The following NEBL variants were observed in gnomAD, a reference collection of about 807,000 sequenced individuals.
The protein encoded by NEBL is nebulette, also known as LIM and SH3 protein 2.
Under a neutral mutation model 140.2 loss-of-function variants are expected in NEBL, and 122 were observed. The observed-to-expected ratio is 0.87, with a 90% confidence interval of 0.75 to 1.01. The LOEUF (loss-of-function observed/expected upper bound fraction) is 1.01. Among genes scored for constraint, NEBL ranks in the 50% least tolerant of loss-of-function variants. NEBL has a pLI of 0.00. For synonymous variants in NEBL, 436 were observed against 398.9 expected (o/e 1.09, Z -1.11); for missense variants, 1,365 against 1,231.3 (o/e 1.11, Z -1.62).
chr10:20,913,597 CA>C (rs2131471540), intron 4 of NEBL, among the ~76,000 whole-genome samples: 1 of 152,038 alleles, frequency 6.6e-6, no homozygotes, highest in Non-Finnish European at 1.5e-5. Flanking sequence ...GTACAAAAAC[CA>C]AGTGTACGAA....
rs1341648314 is a variant in NEBL at position 21,278,285 on chromosome 10, A to G, written n.182+14545T>C. On this transcript the variant is annotated intron_variant and non_coding_transcript_variant, in intron 1 of 8. Transcript: ENST00000675702. ...CAAGACGCCGTCTCTACAGAATAAA[A>G]ATAAAAACATGAGCTAGGTGTGGTG... 3.3e-5 allele frequency among the ~76,000 whole-genome samples: 5 copies of G among 152,184 alleles called. No homozygotes were observed. The South Asian group carries it at 6.2e-4, about 19-fold the overall frequency.
At chr10:20,980,598 T>C (rs1836999263) in intron 3 of NEBL, among the ~76,000 whole-genome samples, 1 of 152,114 alleles carries the variant, frequency 6.6e-6, no homozygotes, top group East Asian at 1.9e-4. Context: ...TTACACTTGG[T>C]AAAGTATCAG....
rs549749341 is a variant in NEBL at position 20,885,918 on chromosome 10, C to T, written c.369+2179G>A. Among the ~76,000 whole-genome samples the T allele has an allele frequency of 8.5e-5, 13 of 152,166 alleles. 1 individual carries two copies. The highest frequency in any genetic ancestry group is 1.9e-4 in the African/African-American group (8 of 41,508). ...TATTTTAAGCTGCATGTTGCATAACCGAGATTAGTTTACTGCCAAGTCAGG... is the reference window on the plus strand; with the variant it reads ...TATTTTAAGCTGCATGTTGCATAACTGAGATTAGTTTACTGCCAAGTCAGG... On this transcript the variant is annotated intron_variant, in intron 4 of 27. Transcript: ENST00000377122.
At chr10:21,203,575 G>A (rs1042641436) in intron 3 of NEBL, among the ~76,000 whole-genome samples, 2 of 152,042 alleles carry the variant, frequency 1.3e-5, no homozygotes, top group African/African-American at 4.8e-5. Context: ...AGACGAGTGG[G>A]GCCGAATGAT....
chr10:20,784,433 C>T lies in NEBL; in HGVS notation c.*1314G>A, dbSNP rs1835240031. The T allele has an allele frequency of 6.6e-6, 1 of 152,028 alleles. No individual in the cohort carries two copies. The highest frequency in any genetic ancestry group is 1.5e-5 in the Non-Finnish European group (1 of 68,002). The allele number at this position is 152,028 out of a possible 1,614,324, so 9.4% of individuals were successfully genotyped here. Reference sequence around the variant, plus strand: ...CTTTCTTAGAGAACAGGCTCTTGGGCCTGTACTAAAAAATCTCTGATGACA... The same window carrying T: ...CTTTCTTAGAGAACAGGCTCTTGGGTCTGTACTAAAAAATCTCTGATGACA... On this transcript the variant is annotated 3_prime_UTR_variant, in exon 28 of 28. Transcript: ENST00000377122.
chr10:21,028,248 A>AGAAGAAGAAGAAGAAGAAGAAGAAGAAG (rs1554819352), intron 2 of NEBL, among the ~76,000 whole-genome samples: 2 of 32,122 alleles, frequency 6.2e-5, no homozygotes, highest in East Asian at 3.5e-3. Flanking sequence ...AAAAAAAAAA[A>AGAAGAAGAAGAAGAAGAAGAAGAAGAAG]AAAAAAAAGA....
intron 7 of NEBL, 144 bp downstream of exon 7, chr10:20,868,520 C>T: frequency 2.8e-6 from 2 of 706,518 alleles, no homozygotes; most frequent in East Asian, 2.5e-5. Context: ...ATAATGATTG[C>T]AAGCCCATCT....
intron 26 of NEBL, among the ~76,000 whole-genome samples, chr10:20,793,840 G>T (rs551888071): frequency 6.6e-6 from 1 of 152,324 alleles, no homozygotes; most frequent in South Asian, 2.1e-4. Flanking sequence ...ACAGGAGTGA[G>T]CCACTGTGTC....
chr10:20,976,025 A>G (rs1260884869), intron 3 of NEBL, among the ~76,000 whole-genome samples: 1 of 152,118 alleles, frequency 6.6e-6, no homozygotes, highest in African/African-American at 2.4e-5. Flanking sequence ...ATCTATGACA[A>G]AAATATGCTT....
At chr10:21,009,530 CAA>C (rs2131735928) in intron 3 of NEBL, among the ~76,000 whole-genome samples, 1 of 152,242 alleles carries the variant, frequency 6.6e-6, no homozygotes, top group East Asian at 1.9e-4. Context: ...CACCAAAAAT[CAA>C]GAGAGAGGGA....
At chr10:20,942,824 AG>A (rs759519166) in intron 4 of NEBL, among the ~76,000 whole-genome samples, 22 of 152,256 alleles carry the variant, frequency 1.4e-4, no homozygotes, top group Non-Finnish European at 2.2e-4. Flanking sequence ...TGCAGCCAAA[AG>A]ACACATGAAA....
chr10:21,251,192 T>A (rs1395191018), intron 2 of NEBL, among the ~76,000 whole-genome samples: 3 of 152,154 alleles, frequency 2.0e-5, no homozygotes, highest in Non-Finnish European at 4.4e-5. Flanking sequence ...CCTTTTGGAG[T>A]AGGAGCTAGC....
chr10:21,225,216 CT>C (rs1842128217), intron 3 of NEBL, among the ~76,000 whole-genome samples: 2 of 152,134 alleles, frequency 1.3e-5, no homozygotes, highest in South Asian at 4.1e-4. Context: ...GACTCTTTTT[CT>C]CTTCCCTTAA....
At chr10:20,800,833 A>C (rs1173021504) in intron 26 of NEBL, among the ~76,000 whole-genome samples, 1 of 152,142 alleles carries the variant, frequency 6.6e-6, no homozygotes, top group Non-Finnish European at 1.5e-5. Context: ...AACGCAATGC[A>C]GACCAGATTC....
At chr10:21,116,842 A>T (rs989209696) in intron 2 of NEBL, among the ~76,000 whole-genome samples, 4 of 151,886 alleles carry the variant, frequency 2.6e-5, no homozygotes, top group East Asian at 1.9e-4. Flanking sequence ...GCAACTTTTT[A>T]AATTGTTTTC....
At chr10:20,922,267 G>C (rs901679473) in intron 4 of NEBL, among the ~76,000 whole-genome samples, 2 of 152,228 alleles carry the variant, frequency 1.3e-5, no homozygotes, top group East Asian at 3.9e-4. Context: ...GTGTCATAGC[G>C]ACCCAAATAT....
rs1232321830 is a variant in NEBL at position 20,780,315 on chromosome 10, A to G, written c.*5432T>C. On this transcript the variant is annotated 3_prime_UTR_variant, in exon 28 of 28. Transcript: ENST00000377122. ...AATAGAAGAAAATTAGAATTGTACTATTGAGGACATATGAGGAATTTATTC... is the reference window on the plus strand; with the variant it reads ...AATAGAAGAAAATTAGAATTGTACTGTTGAGGACATATGAGGAATTTATTC... 6.6e-6 allele frequency: 1 copy of G among 152,214 alleles called. No homozygotes were observed. The highest frequency in any genetic ancestry group is 2.4e-5 in the African/African-American group (1 of 41,460). The allele number at this position is 152,214 out of a possible 1,614,324, so 9.4% of individuals were successfully genotyped here.
chr10:21,086,504 A>G (rs1219438084), intron 2 of NEBL, among the ~76,000 whole-genome samples: 2 of 152,186 alleles, frequency 1.3e-5, no homozygotes, highest in African/African-American at 2.4e-5. Context: ...CTAGTCGGGC[A>G]TGGTGGCTCA....
At chr10:21,204,730 G>A (rs539794881) in intron 3 of NEBL, among the ~76,000 whole-genome samples, 285 of 152,274 alleles carry the variant, frequency 1.9e-3, no homozygotes, top group Middle Eastern at 3.4e-3. Context: ...TGCCCTGCCT[G>A]GGGTGGGCAG....
Sources: allele counts gnomAD v4.1 joint callset (sites outside exome capture counted in the v4.1 genomes callset), GRCh38; gene constraint gnomAD v4.1.1; transcripts MANE v1.5; gene names NCBI Gene and HGNC (gene_info 2026-07-23, HGNC 2026-07-21).